DNAJC5G: variants seen among roughly 807,000 people sequenced by gnomAD.
DNAJC5G encodes DnaJ heat shock protein family (Hsp40) member C5 gamma, also known as dnaJ homolog subfamily C member 5G.
Under a neutral mutation model 19.1 loss-of-function variants are expected in DNAJC5G, and 13 were observed. That is an observed-to-expected ratio of 0.68 (90% confidence interval 0.44 to 1.08). The LOEUF (loss-of-function observed/expected upper bound fraction) is 1.08, where lower values mean the gene tolerates loss of function less well. Ranked by LOEUF, DNAJC5G falls within the 50% of genes least tolerant of loss-of-function variation. DNAJC5G has a pLI of 0.00. For synonymous variants in DNAJC5G, 81 were observed against 84.4 expected (o/e 0.96, Z 0.22); for missense variants, 245 against 230.4 (o/e 1.06, Z -0.41).
chr2:27,278,789 G>C (rs1246503391), intron 5 of DNAJC5G, among the ~76,000 whole-genome samples: 1 of 150,056 alleles, frequency 6.7e-6, no homozygotes, highest in Non-Finnish European at 1.5e-5. Flanking sequence ...GGCGGATCAC[G>C]AGGTCAGGAG....
At chr2:27,275,866 A>ACCCCCCCCCCCCCCCCCCCCCCCCCC (rs1572502161) in intron 1 of DNAJC5G, 1 of 93,184 alleles carries the variant, frequency 1.1e-5, no homozygotes, top group African/African-American at 4.2e-5. Flanking sequence ...AGCACTCCCC[A>ACCCCCCCCCCCCCCCCCCCCCCCCCC]CCCCCGCCCC....
intron 5 of DNAJC5G, among the ~76,000 whole-genome samples, chr2:27,278,683 CAAAAAAAAAAAAAAAAA>C (rs1180058010): frequency 3.7e-5 from 1 of 26,738 alleles, no homozygotes; most frequent in Non-Finnish European, 7.1e-5. Flanking sequence ...GACTCCATCT[CAAAAAAAAAAAAAAAAA>C]AAAAAAAAGA....
Position 27,276,923 on chromosome 2 carries a change from CTTTTTTTTTT to C in DNAJC5G, c.113+94_113+103del, listed in dbSNP as rs574019537. On this transcript the variant is annotated intron_variant, in intron 3 of 6. Transcript: ENST00000296097. ...TCTGTATCTCTTTTGCTATCTGACT[CTTTTTTTTTT>C]TTTTTTTTTTTGAGAGGAAGTCTCG... 597 of 515,168 alleles carry C rather than the reference CTTTTTTTTTT, an allele frequency of 1.2e-3. 1 individual carries two copies. The highest frequency in any genetic ancestry group is 4.3e-3 in the South Asian group (157 of 36,344). 31.9% of individuals were successfully genotyped at this position (515,168 alleles called of 1,614,324 possible). A position where few individuals can be genotyped will look rare whatever the true frequency, so the allele number is the denominator to read the frequency against.
chr2:27,280,402 T>C, intron 6 of DNAJC5G, 27 bp from the exon 7 acceptor site: 1 of 613,792 alleles, frequency 1.6e-6, no homozygotes. Flanking sequence ...TTCTGATTAA[T>C]AAAGCGCCAC....
chr2:27,276,562 C>T (rs980369768), intron 2 of DNAJC5G, 164 bp from the exon 3 acceptor site: 8 of 579,262 alleles, frequency 1.4e-5, no homozygotes, highest in African/African-American at 3.8e-5. Context: ...CCTGAATTCT[C>T]CTGCTAGCCA....
At chr2:27,278,732 C>T (rs976445458) in intron 5 of DNAJC5G, among the ~76,000 whole-genome samples, 2 of 142,964 alleles carry the variant, frequency 1.4e-5, no homozygotes, top group Non-Finnish European at 3.0e-5. Context: ...AGAGGCTGGG[C>T]ATGGTGGCTC....
rs551907428 is a variant in DNAJC5G, at chr2:27,276,477, G to A, written c.-4+90G>A. The A allele has an allele frequency of 2.5e-5, 11 of 434,306 alleles. No homozygotes were observed. In the South Asian group the frequency reaches 2.8e-4, roughly 11 times the overall value. The allele number at this position is 434,306 out of a possible 1,614,324, so 26.9% of individuals were successfully genotyped here. A position where few individuals can be genotyped will look rare whatever the true frequency, so the allele number is the denominator to read the frequency against. ...CCTCTAGGATGTGGGATATCTAGAG[G>A]TCTGTGTAGCTGGAGGATGCTGGGA... On this transcript the variant is annotated intron_variant, in intron 2 of 6. Transcript: ENST00000296097.
chr2:27,276,486 G>C (rs573029254), intron 2 of DNAJC5G, 99 bp downstream of exon 2: 2 of 459,372 alleles, frequency 4.4e-6, no homozygotes, highest in African/African-American at 4.0e-5. Flanking sequence ...GGTCTGTGTA[G>C]CTGGAGGATG....
chr2:27,276,592 T>C lies in DNAJC5G; in HGVS notation c.-3-134T>C, dbSNP rs2148171434. ...TAGCCACAAATCCCACTCACTCTTA[T>C]CTTATCCTTGTCCTTCTGTCATCGT... On this transcript the variant is annotated intron_variant, in intron 2 of 6. Transcript: ENST00000296097. 1.4e-5 allele frequency: 10 copies of C among 691,338 alleles called. No individual in the cohort carries two copies. In the South Asian group the frequency reaches 1.9e-4, roughly 13 times the overall value. The allele number at this position is 691,338 out of a possible 1,614,324, so 42.8% of individuals were successfully genotyped here. A position where few individuals can be genotyped will look rare whatever the true frequency, so the allele number is the denominator to read the frequency against.
Position 27,277,818 on chromosome 2 carries a change from TATC to T in DNAJC5G, c.182_184del (p.His61del). 6.2e-7 allele frequency: 1 copy of T among 1,614,130 alleles called. No homozygotes were observed. Among genetic ancestry groups the T allele is most frequent in the African/African-American group, 1.3e-5 (1 of 75,010 alleles). ...CCTGGGTAGGAAACTGGCCTTGCGG[TATC>T]ATCCCGACAAGAATCCAGGGAATGC... On this transcript the variant is annotated inframe_deletion, in exon 4 of 7. Transcript: ENST00000296097.
intron 3 of DNAJC5G, among the ~76,000 whole-genome samples, chr2:27,277,267 T>TTTGTTTG (rs376316557): frequency 0.027 from 4,098 of 150,018 alleles, 191 homozygotes; most frequent in African/African-American, 0.094. Context: ...TGTTTGTTTG[T>TTTGTTTG]TTGTTTGTTT....
At position 27,277,817 on chromosome 2, in the gene DNAJC5G, G is replaced by A. The variant is rs778962253; in HGVS notation, c.177G>A (p.Arg59=). The A allele has an allele frequency of 2.5e-6, 4 of 1,614,030 alleles. No individual in the cohort carries two copies. The highest frequency in any genetic ancestry group is 3.4e-6 in the Non-Finnish European group (4 of 1,180,018). The part of the protein sequence containing the change: ...EYHLGRKLAL[R]YHPDKNPGNA... Reference sequence around the variant, plus strand: ...ACCTGGGTAGGAAACTGGCCTTGCGGTATCATCCCGACAAGAATCCAGGGA... The same window carrying A: ...ACCTGGGTAGGAAACTGGCCTTGCGATATCATCCCGACAAGAATCCAGGGA... The change falls in exon 4 of 7, where the codon CGG becomes CGA. Residue 59 remains arginine, a synonymous_variant. Coordinates refer to ENST00000296097, the MANE Select transcript of DNAJC5G (RefSeq NM_173650.3).
chr2:27,280,128 C>T (rs200566664), intron 5 of DNAJC5G, 38 bp from the exon 6 acceptor site: 3 of 1,592,686 alleles, frequency 1.9e-6, no homozygotes, highest in South Asian at 1.1e-5. Context: ...AGTTACTAAA[C>T]GTTTGTATAT....
At position 27,280,955 on chromosome 2, in the gene DNAJC5G, G is replaced by A. The variant is rs1490027176; in HGVS notation, c.*545G>A. On this transcript the variant is annotated 3_prime_UTR_variant, in exon 7 of 7. Coordinates refer to ENST00000296097, the MANE Select transcript of DNAJC5G (RefSeq NM_173650.3). ...TTCCTAAGCCAATAACGCCTGTATG[G>A]AGTTGGTTTCATCTTCTGGTGCCCA... 2 of 152,348 alleles carry A rather than the reference G, an allele frequency of 1.3e-5. No individual in the cohort carries two copies. The highest frequency in any genetic ancestry group is 2.9e-5 in the Non-Finnish European group (2 of 68,062). 9.4% of individuals were successfully genotyped at this position (152,348 alleles called of 1,614,324 possible). A position where few individuals can be genotyped will look rare whatever the true frequency, so the allele number is the denominator to read the frequency against.
Position 27,277,691 on chromosome 2 carries a change from T to C in DNAJC5G, c.114-63T>C, listed in dbSNP as rs1678166894. 6 of 1,590,306 alleles carry C rather than the reference T, an allele frequency of 3.8e-6. No homozygotes were observed. The East Asian group carries it at 1.3e-4, about 36-fold the overall frequency. On this transcript the variant is annotated intron_variant, in intron 3 of 6. Transcript: ENST00000296097. ...CCTCCATCCTTTGTACCACATCTCA[T>C]GCATTCCTTCTGCACTCTCTAGAGA...
intron 6 of DNAJC5G, 97 bp downstream of exon 6, chr2:27,280,330 A>G: frequency 9.9e-7 from 1 of 1,008,638 alleles, no homozygotes; most frequent in Non-Finnish European, 1.6e-6. Flanking sequence ...TCCTTATAGT[A>G]TGGACTATGT....
intron 5 of DNAJC5G, among the ~76,000 whole-genome samples, chr2:27,279,902 G>C (rs1678288984): frequency 6.6e-6 from 1 of 151,658 alleles, no homozygotes; most frequent in Non-Finnish European, 1.5e-5. Flanking sequence ...CAGCCTGGGT[G>C]ACAGAGTGAG....
At position 27,281,484 on chromosome 2, in the gene DNAJC5G, A is replaced by G. The variant is rs191570117; in HGVS notation, c.*1074A>G. 1.9e-3 allele frequency: 288 copies of G among 152,498 alleles called. No homozygotes were observed. Among genetic ancestry groups the G allele is most frequent in the Admixed American group, 4.1e-3 (63 of 15,306 alleles). The allele number at this position is 152,498 out of a possible 1,614,324, so 9.4% of individuals were successfully genotyped here. ...GACAAATTGTGTCTGGGGTAGAGAA[A>G]AAAGGCCTAAAGAAATTGCTTCTTG... On this transcript the variant is annotated 3_prime_UTR_variant, in exon 7 of 7. Transcript: ENST00000296097.
intron 5 of DNAJC5G, 148 bp downstream of exon 5, chr2:27,278,480 A>C: frequency 8.0e-7 from 1 of 1,242,742 alleles, no homozygotes. Context: ...CAGGAGTTGG[A>C]GACAAGCCTG....
Sources: gnomAD v4.1 joint callset for allele counts (sites outside exome capture counted in the v4.1 genomes callset) on GRCh38, gnomAD v4.1.1 for gene constraint, MANE v1.5 for transcripts, NCBI Gene and HGNC (gene_info 2026-07-23, HGNC 2026-07-21) for gene names.